SGCE: variants seen among roughly 807,000 people sequenced by gnomAD.
SGCE encodes sarcoglycan epsilon.
Under a neutral mutation model 57.8 loss-of-function variants are expected in SGCE, and 26 were observed. The observed-to-expected ratio is 0.45, with a 90% CI of 0.33 to 0.62. The LOEUF (loss-of-function observed/expected upper bound fraction) is 0.62, where lower values mean the gene tolerates loss of function less well. Ranked by LOEUF, SGCE falls within the 20% of genes least tolerant of loss-of-function variation. SGCE has a pLI of 0.02. For missense variants in SGCE, 468 were observed against 548.6 expected, an observed-to-expected ratio of 0.85 and a Z score of 1.47; for synonymous variants, 183 against 189.5, an observed-to-expected ratio of 0.97 and a Z score of 0.28.
intron 3 of SGCE, chr7:94,624,606 T>G (rs1211478016): frequency 5.6e-6 from 1 of 177,496 alleles, no homozygotes; most frequent in Non-Finnish European, 1.2e-5. Context: ...TTAAACAAAC[T>G]AGGAACTTTT....
chr7:94,589,044 C>T, intron 9 of SGCE: 1 of 382,536 alleles, frequency 2.6e-6, no homozygotes, highest in Non-Finnish European at 4.9e-6. Flanking sequence ...CTTGGAGATC[C>T]AGGGCCACAT....
chr7:94,598,634 T>G, intron 9 of SGCE, 141 bp downstream of exon 9: 3 of 726,922 alleles, frequency 4.1e-6, no homozygotes, highest in Non-Finnish European at 7.4e-6. Flanking sequence ...AGAGTAGGGG[T>G]GAGATTTACA....
At position 94,644,955 on chromosome 7, in the gene SGCE, T is replaced by A. The variant is rs116815696; in HGVS notation, c.109+11035A>T. ...AAGTGCTGGATACTACACCAAGGGTTGTACACATATTAACTAATGTAATCC... is the reference window on the plus strand; with the variant it reads ...AAGTGCTGGATACTACACCAAGGGTAGTACACATATTAACTAATGTAATCC... On this transcript the variant is annotated intron_variant, in intron 1 of 10. Coordinates refer to ENST00000648936, the MANE Select transcript of SGCE (RefSeq NM_003919.3). Among the ~76,000 whole-genome samples, 1,310 of 152,346 alleles carry A rather than the reference T, an allele frequency of 8.6e-3. 13 individuals are homozygous for A. Among genetic ancestry groups the A allele is most frequent in the African/African-American group, 0.029 (1,203 of 41,584 alleles).
intron 1 of SGCE, 63 bp downstream of exon 1, chr7:94,655,927 G>T (rs370579836): frequency 1.0e-5 from 11 of 1,079,224 alleles, no homozygotes; most frequent in South Asian, 1.3e-5. Flanking sequence ...GAACCCGAGC[G>T]GGGGAGGGGG....
chr7:94,636,535 A>T (rs1264055819), intron 1 of SGCE, among the ~76,000 whole-genome samples: 1 of 152,196 alleles, frequency 6.6e-6, no homozygotes, highest in Non-Finnish European at 1.5e-5. Flanking sequence ...AAAATAGAAA[A>T]AAGGAAGAGT....
intron 9 of SGCE, among the ~76,000 whole-genome samples, chr7:94,591,568 C>A (rs1797678206): frequency 6.6e-6 from 1 of 152,086 alleles, no homozygotes; most frequent in Admixed American, 6.6e-5. Flanking sequence ...TCCAAAAGCA[C>A]TAGATTAAGG....
At chr7:94,628,151 C>T (rs755589605) in intron 3 of SGCE, 51 bp downstream of exon 3, 2 of 1,401,056 alleles carry the variant, frequency 1.4e-6, no homozygotes, top group Non-Finnish European at 2.0e-6. Context: ...CACACACACA[C>T]ACACACACAC....
At chr7:94,599,013 C>T (rs929951379) in intron 8 of SGCE, 50 bp from the exon 9 acceptor site, 4 of 1,338,332 alleles carry the variant, frequency 3.0e-6, no homozygotes, top group East Asian at 2.4e-5. Context: ...ATATATTAGC[C>T]TGATGGGTCA....
At chr7:94,615,307 C>T (rs1417234305) in intron 5 of SGCE, among the ~76,000 whole-genome samples, 2 of 151,888 alleles carry the variant, frequency 1.3e-5, no homozygotes, top group Admixed American at 1.3e-4. Flanking sequence ...TGCTGTGAGT[C>T]GAGATCCCAC....
At chr7:94,604,375 A>T (rs1195233581) in intron 5 of SGCE, among the ~76,000 whole-genome samples, 1 of 151,902 alleles carries the variant, frequency 6.6e-6, no homozygotes, top group East Asian at 1.9e-4. Context: ...AACTGATCCT[A>T]AAATTCCTAA....
chr7:94,629,672 A>C (rs910931997), intron 2 of SGCE, 47 bp downstream of exon 2: 12 of 1,602,716 alleles, frequency 7.5e-6, no homozygotes, highest in Non-Finnish European at 5.1e-6. Context: ...AAATTAAACA[A>C]AAAATTTAGT....
In SGCE at chr7:94,623,814, T is replaced by C. The variant is rs1168254749; in HGVS notation, c.391-417A>G. 1.1e-5 allele frequency: 4 copies of C among 370,056 alleles called. No homozygotes were observed. The East Asian group carries it at 1.6e-4, about 14-fold the overall frequency. The allele number at this position is 370,056 out of a possible 1,614,324, so 22.9% of individuals were successfully genotyped here. Reference sequence around the variant, plus strand: ...TGAAAAGTACACTTTAAAACAAGCATATCTTTGTGTTTTTTTGCATTTAGT... The same window carrying C: ...TGAAAAGTACACTTTAAAACAAGCACATCTTTGTGTTTTTTTGCATTTAGT... On this transcript the variant is annotated intron_variant, in intron 3 of 10. Coordinates refer to ENST00000648936, the MANE Select transcript of SGCE (RefSeq NM_003919.3).
intron 1 of SGCE, among the ~76,000 whole-genome samples, chr7:94,650,254 G>A (rs1391135871): frequency 6.6e-6 from 1 of 152,194 alleles, no homozygotes; most frequent in Non-Finnish European, 1.5e-5. Flanking sequence ...GGGAGGGGAG[G>A]TTGCAGAAGG....
intron 6 of SGCE, among the ~76,000 whole-genome samples, chr7:94,601,442 T>TAA (rs1319969161): frequency 2.9e-5 from 1 of 34,430 alleles, no homozygotes; most frequent in Admixed American, 3.8e-4. Context: ...TATCCCAGTA[T>TAA]CAAAAAAAAA....
At chr7:94,609,525 C>G (rs974365935) in intron 5 of SGCE, among the ~76,000 whole-genome samples, 2 of 152,214 alleles carry the variant, frequency 1.3e-5, no homozygotes, top group Admixed American at 1.3e-4. Flanking sequence ...CAGTAAGACT[C>G]TGTCTAAAAA....
chr7:94,639,182 C>T (rs1486109574), intron 1 of SGCE, among the ~76,000 whole-genome samples: 1 of 152,094 alleles, frequency 6.6e-6, no homozygotes, highest in Non-Finnish European at 1.5e-5. Flanking sequence ...GGATCTAAAA[C>T]AGAAGTTTTA....
chr7:94,627,541 CTT>C, intron 3 of SGCE: 1 of 152,400 alleles, frequency 6.6e-6, no homozygotes, highest in South Asian at 2.1e-4. Context: ...TCCAGCCACA[CTT>C]ATAGTTCTCT....
At chr7:94,613,478 C>G (rs1801385663) in intron 5 of SGCE, among the ~76,000 whole-genome samples, 2 of 152,048 alleles carry the variant, frequency 1.3e-5, no homozygotes, top group South Asian at 2.1e-4. Context: ...GTATAAGGCT[C>G]TCAATGAATG....
chr7:94,603,124 C>T (rs1005495128), intron 6 of SGCE, among the ~76,000 whole-genome samples, 166 bp downstream of exon 6: 3 of 152,230 alleles, frequency 2.0e-5, no homozygotes, highest in African/African-American at 4.8e-5. Context: ...CTTTCCTAAA[C>T]GGATGCACTG....
Sources: allele counts gnomAD v4.1 joint callset (sites outside exome capture counted in the v4.1 genomes callset), GRCh38; gene constraint gnomAD v4.1.1; transcripts MANE v1.5; gene names NCBI Gene and HGNC (gene_info 2026-07-23, HGNC 2026-07-21).